The following ARSL variants were observed in gnomAD, a reference collection of about 807,000 sequenced individuals.
ARSL encodes arylsulfatase E (chondrodysplasia punctata 1).
A neutral mutation model predicts 31.1 loss-of-function variants in ARSL; 4 were observed. The ratio of observed to expected loss-of-function variants is 0.13; its 90% CI spans 0.06 to 0.29. ARSL has a LOEUF of 0.29. Among genes scored for constraint, ARSL ranks in the 10% least tolerant of loss-of-function variants. The probability of loss-of-function intolerance (pLI) is 1.00; values close to 1 mark genes in which losing one functional copy is unlikely to be tolerated. For synonymous variants in ARSL, 198 were observed against 209.9 expected (o/e 0.94, Z 0.49); for missense variants, 312 against 497.8 (o/e 0.63, Z 3.55).
At chrX:2,950,432 A>G (rs978927153) in intron 5 of ARSL, among the ~76,000 whole-genome samples, 1 of 111,669 alleles carries the variant, frequency 9.0e-6, no homozygotes, top group African/African-American at 3.3e-5. Context: ...TTGGGCACTG[A>G]TATGGTTTGG....
At chrX:2,942,252 T>C (rs2089291589) in intron 8 of ARSL, among the ~76,000 whole-genome samples, 1 of 112,030 alleles carries the variant, frequency 8.9e-6, no homozygotes. Flanking sequence ...TAATCAGCCC[T>C]GGCACCTGGA....
In ARSL at chrX:2,964,236, G is replaced by A. The variant is rs2089677468; in HGVS notation, c.-33C>T. 7 of 754,328 alleles carry A rather than the reference G, an allele frequency of 9.3e-6. No homozygotes were observed. Among genetic ancestry groups the A allele is most frequent in the African/African-American group, 9.1e-5 (4 of 43,835 alleles). 62.2% of individuals were successfully genotyped at this position (754,328 alleles called of 1,213,427 possible). Reference sequence around the variant, plus strand: ...TCACAGGACTCACCTCTGCTCCTGGGCTCCTTCCTGAATCCCCGATCAAGA... The same window carrying A: ...TCACAGGACTCACCTCTGCTCCTGGACTCCTTCCTGAATCCCCGATCAAGA... On this transcript the variant is annotated 5_prime_UTR_variant, in exon 1 of 11. Coordinates refer to ENST00000381134, the MANE Select transcript of ARSL (RefSeq NM_000047.3).
chrX:2,960,890 A>C (rs1276749324), intron 1 of ARSL, among the ~76,000 whole-genome samples: 3 of 111,575 alleles, frequency 2.7e-5, no homozygotes, highest in African/African-American at 9.8e-5. Context: ...TGGATGATAC[A>C]CAAAAGAATC....
upstream of ARSL, among the ~76,000 whole-genome samples, chrX:2,966,230 C>T (rs1018048307): frequency 9.0e-6 from 1 of 111,204 alleles, no homozygotes; most frequent in African/African-American, 3.3e-5. Context: ...TACAAGTGGA[C>T]GGTTTTGGTG....
intron 2 of ARSL, chrX:2,959,581 G>A (rs1383916264): frequency 2.0e-5 from 23 of 1,135,998 alleles, no homozygotes; most frequent in South Asian, 6.1e-5. Flanking sequence ...ACACCTGGCC[G>A]ATGGTAGCGG....
At chrX:2,959,602 C>T (rs1384633657) in intron 2 of ARSL, 24 of 1,147,388 alleles carry the variant, frequency 2.1e-5, no homozygotes, top group Non-Finnish European at 2.8e-5. Flanking sequence ...TTGATGCCCA[C>T]CTGATTTGCA....
At chrX:2,943,441 C>T (rs970629118) in intron 7 of ARSL, among the ~76,000 whole-genome samples, 18 of 110,734 alleles carry the variant, frequency 1.6e-4, no homozygotes, top group South Asian at 3.8e-4. Context: ...ATATCAAAAA[C>T]TTAAAAGTGC....
At chrX:2,963,533 CTTTTTTT>C (rs769134287) in intron 1 of ARSL, among the ~76,000 whole-genome samples, 51 of 59,782 alleles carry the variant, frequency 8.5e-4, no homozygotes, top group South Asian at 6.7e-3. Flanking sequence ...TTTTCTTTTC[CTTTTTTT>C]TTTTTTTTTT....
Position 2,947,310 on chromosome X carries a change from CTT to C in ARSL, c.855-1178_855-1177del, listed in dbSNP as rs1304208554. On this transcript the variant is annotated intron_variant, in intron 6 of 10. Transcript: ENST00000381134. ...AAAGAACTGTAGGTTACTGACATGA[CTT>C]TTATTTTGTTCAATTATTTCAATAT... Among the ~76,000 whole-genome samples, 6 of 112,494 alleles carry C rather than the reference CTT, an allele frequency of 5.3e-5. No homozygotes were observed. In the East Asian group the frequency reaches 1.7e-3, roughly 31 times the overall value.
chrX:2,940,241 G>A (rs917453621), intron 8 of ARSL, among the ~76,000 whole-genome samples: 1 of 111,356 alleles, frequency 9.0e-6, no homozygotes, highest in Non-Finnish European at 1.9e-5. Context: ...ATTCAGCCAT[G>A]GAAAGGAATG....
chrX:2,944,385 C>T (rs1164199091), intron 7 of ARSL, among the ~76,000 whole-genome samples: 8 of 102,224 alleles, frequency 7.8e-5, no homozygotes, highest in Non-Finnish European at 1.6e-4. Flanking sequence ...ACCCGGGAGG[C>T]GGAGGTTGCA....
intron 10 of ARSL, 46 bp downstream of exon 10, chrX:2,936,696 A>G (rs2089206362): frequency 3.3e-6 from 4 of 1,204,327 alleles, no homozygotes; most frequent in Non-Finnish European, 3.4e-6. Context: ...TCCTGCACAG[A>G]GGGACTCTTT....
chrX:2,938,290 A>G, intron 8 of ARSL, 33 bp from the exon 9 acceptor site: 1 of 1,203,375 alleles, frequency 8.3e-7, no homozygotes, highest in South Asian at 1.8e-5. Context: ...GAAAGTGGTT[A>G]AAAACCAGAA....
chrX:2,936,715 G>A (rs1303378073), intron 10 of ARSL, 27 bp downstream of exon 10: 2 of 1,208,225 alleles, frequency 1.7e-6, no homozygotes. Context: ...TTCCCTAAGG[G>A]TGTTAGGAAG....
upstream of ARSL, among the ~76,000 whole-genome samples, chrX:2,966,988 C>T (rs752059991): frequency 9.0e-6 from 1 of 110,768 alleles, no homozygotes; most frequent in South Asian, 3.7e-4. Context: ...TACGTATATA[C>T]ATGTAACGTT....
rs1438440519 is a variant in ARSL, at chrX:2,935,638, G to A, written c.1412-448C>T. Among the ~76,000 whole-genome samples the A allele has an allele frequency of 7.2e-5, 8 of 110,463 alleles. No homozygotes were observed. The Admixed American group carries it at 7.7e-4, about 11-fold the overall frequency. On this transcript the variant is annotated intron_variant, in intron 10 of 10. Coordinates refer to ENST00000381134, the MANE Select transcript of ARSL (RefSeq NM_000047.3). ...AGGTTGCACAACACTGTGAAAGCAC[G>A]AAGTGCCTGTGAATTGCACTCAGTC...
chrX:2,948,116 G>C (rs892221472), intron 6 of ARSL, among the ~76,000 whole-genome samples: 2 of 110,426 alleles, frequency 1.8e-5, no homozygotes, highest in Admixed American at 1.9e-4. Flanking sequence ...TCGAGACTCT[G>C]TCTCAAAAAA....
chrX:2,937,961 G>C, intron 9 of ARSL, 134 bp downstream of exon 9: 1 of 897,059 alleles, frequency 1.1e-6, no homozygotes, highest in East Asian at 3.2e-5. Flanking sequence ...ATGAGAATAA[G>C]CAGCCCGACC....
At chrX:2,935,739 G>C (rs1182834454) in intron 10 of ARSL, among the ~76,000 whole-genome samples, 1 of 103,853 alleles carries the variant, frequency 9.6e-6, no homozygotes, top group Non-Finnish European at 2.0e-5. Context: ...TGTCGCCCAG[G>C]CTAGAGTGCA....
Sources: gnomAD v4.1 joint callset for allele counts (sites outside exome capture counted in the v4.1 genomes callset) on GRCh38, gnomAD v4.1.1 for gene constraint, MANE v1.5 for transcripts, NCBI Gene and HGNC (gene_info 2026-07-23, HGNC 2026-07-21) for gene names.